Variants in GNAO1 observed in about 807,000 individuals in gnomAD.
GNAO1 encodes G protein subunit alpha o1, also known as guanine nucleotide-binding protein G(o) subunit alpha.
For missense variants in GNAO1, 166 were observed against 478.7 expected (o/e 0.35, Z 6.10); for synonymous variants, 164 against 180.7 (o/e 0.91, Z 0.74).
At chr16:56,344,584 T>C in intron 6 of GNAO1, 9 of 985,896 alleles carry the variant, frequency 9.1e-6, no homozygotes, top group Non-Finnish European at 1.1e-5. Context: ...CCCTGACTCC[T>C]CCGAGTTCTG....
At chr16:56,225,560 T>A (rs1363107155) in intron 2 of GNAO1, among the ~76,000 whole-genome samples, 1 of 152,232 alleles carries the variant, frequency 6.6e-6, no homozygotes, top group Admixed American at 6.5e-5. Context: ...TCTGTGTGTG[T>A]GCACTCTGTT....
chr16:56,256,712 CTCTCTCTG>C (rs1399294766), intron 2 of GNAO1, among the ~76,000 whole-genome samples: 24 of 116,024 alleles, frequency 2.1e-4, no homozygotes, highest in African/African-American at 7.1e-4. Flanking sequence ...CTCTCTCTCT[CTCTCTCTG>C]TGTGTGTGTG....
At chr16:56,329,025 G>T in intron 4 of GNAO1, 1 of 512,244 alleles carries the variant, frequency 2.0e-6, no homozygotes. Context: ...CAACCAAACA[G>T]TGGAAATTCC....
At chr16:56,327,290 A>C (rs2037643637) in intron 3 of GNAO1, among the ~76,000 whole-genome samples, 1 of 152,062 alleles carries the variant, frequency 6.6e-6, no homozygotes, top group Admixed American at 6.5e-5. Flanking sequence ...CGGCCTCTCA[A>C]GGAGCTGGCA....
chr16:56,333,874 A>G (rs1210872316), intron 4 of GNAO1, among the ~76,000 whole-genome samples: 1 of 152,224 alleles, frequency 6.6e-6, no homozygotes, highest in Non-Finnish European at 1.5e-5. Context: ...GGCAGGCTCC[A>G]TGGATCACTG....
chr16:56,225,944 G>A (rs1337242031), intron 2 of GNAO1, among the ~76,000 whole-genome samples: 2 of 151,894 alleles, frequency 1.3e-5, no homozygotes, highest in East Asian at 1.9e-4. Flanking sequence ...ATGAGAATGG[G>A]GCAGCCATGG....
At chr16:56,346,692 C>G (rs1239453821) in intron 6 of GNAO1, 1 of 985,492 alleles carries the variant, frequency 1.0e-6, no homozygotes, top group African/African-American at 1.7e-5. Context: ...AAGAACAACA[C>G]CATACCTGCT....
At position 56,325,333 on chromosome 16, in the gene GNAO1, G is replaced by A. The variant is rs138514897; in HGVS notation, c.304-3298G>A. Among the ~76,000 whole-genome samples the A allele has an allele frequency of 8.0e-3, 1,221 of 152,274 alleles. 19 individuals are homozygous for A. The highest frequency in any genetic ancestry group is 0.029 in the African/African-American group (1,187 of 41,546). ...CTCTACTAAAAGTACAAAATTAGCCGGGCGTGGTGGCACATGCCTGTAATC... is the reference window on the plus strand; with the variant it reads ...CTCTACTAAAAGTACAAAATTAGCCAGGCGTGGTGGCACATGCCTGTAATC... On this transcript the variant is annotated intron_variant, in intron 3 of 8. Coordinates refer to ENST00000262493, the MANE Select transcript of GNAO1 (RefSeq NM_020988.3).
In GNAO1 at chr16:56,356,712, G is replaced by A. The variant is rs1338365410; in HGVS notation, c.*638G>A. The A allele has an allele frequency of 2.0e-5, 3 of 152,016 alleles. No individual in the cohort carries two copies. The highest frequency in any genetic ancestry group is 7.3e-5 in the African/African-American group (3 of 41,266). The allele number at this position is 152,016 out of a possible 1,614,324, so 9.4% of individuals were successfully genotyped here. A position where few individuals can be genotyped will look rare whatever the true frequency, so the allele number is the denominator to read the frequency against. On this transcript the variant is annotated 3_prime_UTR_variant, in exon 9 of 9. Transcript: ENST00000262493. ...TCGTATAAGGAAATCCAGCCCCATA[G>A]AAAACAATCTGCCCACCGACCCCCT... is the stretch of plus-strand genomic sequence containing the variant.
intron 6 of GNAO1, chr16:56,348,055 ACT>A: frequency 1.0e-6 from 1 of 979,832 alleles, no homozygotes; most frequent in Non-Finnish European, 1.2e-6. Context: ...CAACCCCATC[ACT>A]GCTGCCCACC....
intron 6 of GNAO1, chr16:56,344,873 G>A: frequency 8.1e-6 from 8 of 985,460 alleles, no homozygotes; most frequent in Non-Finnish European, 8.4e-6. Context: ...GGATTCTGTG[G>A]TTGCAGAGGT....
chr16:56,243,023 G>T (rs1429575837), intron 2 of GNAO1, among the ~76,000 whole-genome samples: 1 of 151,984 alleles, frequency 6.6e-6, no homozygotes, highest in African/African-American at 2.4e-5. Flanking sequence ...TGGGAACGCT[G>T]TTGTGAACTG....
intron 2 of GNAO1, among the ~76,000 whole-genome samples, chr16:56,237,899 G>C (rs1437221932): frequency 6.6e-6 from 1 of 152,194 alleles, no homozygotes; most frequent in Admixed American, 6.5e-5. Flanking sequence ...TAGTGTCTAG[G>C]TTCCTGGGGT....
At chr16:56,221,664 A>C (rs1039540613) in intron 2 of GNAO1, among the ~76,000 whole-genome samples, 14 of 151,856 alleles carry the variant, frequency 9.2e-5, no homozygotes, top group Admixed American at 7.9e-4. Flanking sequence ...AAAAAAAAAA[A>C]AAAAAAAAAA....
Position 56,347,631 on chromosome 16 carries a change from C to G in GNAO1, c.724-3753C>G, listed in dbSNP as rs1054903909. The G allele has an allele frequency of 2.0e-5, 19 of 962,572 alleles. No homozygotes were observed. In the African/African-American group the frequency reaches 4.1e-4, roughly 21 times the overall value. The allele number at this position is 962,572 out of a possible 1,614,324, so 59.6% of individuals were successfully genotyped here. On this transcript the variant is annotated intron_variant, in intron 6 of 8. Coordinates refer to ENST00000262493, the MANE Select transcript of GNAO1 (RefSeq NM_020988.3). ...TCCCCTCCATGAGAGAGGGGCTCCC[C>G]CTGGAACAGAAGCTCTCATCCCCAG...
At chr16:56,243,727 A>G (rs1406772043) in intron 2 of GNAO1, among the ~76,000 whole-genome samples, 4 of 152,118 alleles carry the variant, frequency 2.6e-5, no homozygotes, top group Non-Finnish European at 5.9e-5. Context: ...GACTATAGTG[A>G]TGGTTGTACA....
Position 56,311,440 on chromosome 16 carries a change from G to C in GNAO1, c.304-17191G>C, listed in dbSNP as rs868765207. Among the ~76,000 whole-genome samples the C allele has an allele frequency of 1.3e-5, 2 of 152,116 alleles. No homozygotes were observed. Among genetic ancestry groups the C allele is most frequent in the Non-Finnish European group, 2.9e-5 (2 of 68,020 alleles). ...TTGATACCCTTCCCCACCCGGGCCTGACCCCATACCCAGAGTCACCCAGTG... is the reference window on the plus strand; with the variant it reads ...TTGATACCCTTCCCCACCCGGGCCTCACCCCATACCCAGAGTCACCCAGTG... On this transcript the variant is annotated intron_variant, in intron 3 of 8. Coordinates refer to ENST00000262493, the MANE Select transcript of GNAO1 (RefSeq NM_020988.3). The surrounding 1 kb of genome is among the most constrained non-coding windows in gnomAD (Gnocchi z 5.2).
chr16:56,345,431 G>A lies in GNAO1; in HGVS notation c.724-5953G>A, dbSNP rs550879300. 4.8e-5 allele frequency: 47 copies of A among 985,826 alleles called. No individual in the cohort carries two copies. In the East Asian group the frequency reaches 1.7e-3, roughly 36 times the overall value. 61.1% of individuals were successfully genotyped at this position (985,826 alleles called of 1,614,324 possible). The stretch of plus-strand genomic sequence containing the variant: ...CCCTGGGTTTCCACTTGCAGCCCCC[G>A]GACTGCCCCAGAGCCGGGAAGCACC... On this transcript the variant is annotated intron_variant, in intron 6 of 8. Coordinates refer to ENST00000262493, the MANE Select transcript of GNAO1 (RefSeq NM_020988.3).
At position 56,357,000 on chromosome 16, in the gene GNAO1, G is replaced by C. The variant is rs2037975747; in HGVS notation, c.*926G>C. ...CCCTGTGTCCGCTCTCTCATGTGGG[G>C]ATGTTTGTGCTGCAGACAAAAAGAA... On this transcript the variant is annotated 3_prime_UTR_variant, in exon 9 of 9. Coordinates refer to ENST00000262493, the MANE Select transcript of GNAO1 (RefSeq NM_020988.3). 1 of 150,218 alleles carries C rather than the reference G, an allele frequency of 6.7e-6. No individual in the cohort carries two copies. The highest frequency in any genetic ancestry group is 2.5e-5 in the African/African-American group (1 of 40,750). The allele number at this position is 150,218 out of a possible 1,614,324, so 9.3% of individuals were successfully genotyped here. A position where few individuals can be genotyped will look rare whatever the true frequency, so the allele number is the denominator to read the frequency against.
Sources: gnomAD v4.1 joint callset for allele counts (sites outside exome capture counted in the v4.1 genomes callset) on GRCh38, gnomAD v4.1.1 for gene constraint, Gnocchi (gnomAD v3.1) non-coding constraint, MANE v1.5 for transcripts, NCBI Gene and HGNC (gene_info 2026-07-23, HGNC 2026-07-21) for gene names.